The following P3H4 variants were observed in gnomAD, a reference collection of about 807,000 sequenced individuals.
P3H4 encodes the protein endoplasmic reticulum protein SC65.
In P3H4, 47 loss-of-function variants were observed where a neutral mutation model predicts 52.9. That is an observed-to-expected ratio of 0.89 (90% CI 0.70 to 1.13). The LOEUF (loss-of-function observed/expected upper bound fraction) is 1.13, where lower values mean the gene tolerates loss of function less well. Ranked by LOEUF, P3H4 falls within the 50% of genes most tolerant of loss-of-function variation. The pLI, the probability that P3H4 is intolerant of heterozygous loss-of-function variation, is 0.00. For synonymous variants in P3H4, 256 were observed against 267.9 expected, an observed-to-expected ratio of 0.96 and a Z score of 0.44; for missense variants, 585 against 611.0, an observed-to-expected ratio of 0.96 and a Z score of 0.45.
In P3H4 at chr17:41,811,894, GC is replaced by G; in HGVS notation, c.21del (p.Leu8CysfsTer26). 4 of 1,514,986 alleles carry G rather than the reference GC, an allele frequency of 2.6e-6. No homozygotes were observed. Among genetic ancestry groups the G allele is most frequent in the South Asian group, 1.2e-5 (1 of 82,012 alleles). The allele number at this position is 1,514,986 out of a possible 1,614,324, so 93.8% of individuals were successfully genotyped here. A position where few individuals can be genotyped will look rare whatever the true frequency, so the allele number is the denominator to read the frequency against. On this transcript the variant is annotated frameshift_variant, in exon 1 of 8. Transcript: ENST00000393928. LOFTEE classifies it high-confidence loss of function. The surrounding 1 kb of genome is among the most constrained non-coding windows in gnomAD (Gnocchi z 4.8). ...GCGCTGCCCAGCAGCAACCACAGCA[GC>G]CCCCACGCCACCCGAGCCATGCCCG... MARVAWGLLWLLLGSAG... is the reference protein window; with the variant it reads MARVAWXLLWLLLGSAG...
intron 5 of P3H4, 39 bp from the exon 6 acceptor site, chr17:41,806,918 C>A (rs782101923): frequency 9.1e-6 from 14 of 1,541,322 alleles, no homozygotes; most frequent in African/African-American, 1.4e-5. Context: ...GTGAGCCATA[C>A]CCTGTTGCCA....
rs2047739899 is a variant in P3H4 at position 41,811,648 on chromosome 17, C to T, written c.268G>A (p.Asp90Asn). The part of the protein sequence containing the change: ...CSGPAPAAKP[D>N]PDGGRADEWA... Reference sequence around the variant, plus strand: ...TCGTCTGCGCGGCCGCCGTCGGGATCGGGCTTGGCCGCGGGCGCGGGGCCG... The same window carrying T: ...TCGTCTGCGCGGCCGCCGTCGGGATTGGGCTTGGCCGCGGGCGCGGGGCCG... The change falls in exon 1 of 8, where the codon GAT (aspartate) becomes AAT (asparagine). Residue 90 changes from aspartate (D) to asparagine (N), a missense_variant. Physicochemically the swap from Asp to Asn is conservative, Grantham distance 23 (BLOSUM62 1). Coordinates refer to ENST00000393928, the MANE Select transcript of P3H4 (RefSeq NM_006455.3). This position sits in a 1 kb window ranked among gnomAD's most constrained non-coding sequence, Gnocchi z 4.8. 3 of 1,422,792 alleles carry T rather than the reference C, an allele frequency of 2.1e-6. No individual in the cohort carries two copies. In the East Asian group the frequency reaches 8.8e-5, roughly 42 times the overall value. 88.1% of individuals were successfully genotyped at this position (1,422,792 alleles called of 1,614,324 possible).
rs118069055 is a variant in P3H4 at position 41,808,190 on chromosome 17, T to A, written c.917-186A>T. On this transcript the variant is annotated intron_variant, in intron 4 of 7. Transcript: ENST00000393928. ...CACTTACCCTATGCCAGGCCCTGAC[T>A]AACTCATCTAAGCCTCACTGTTATT... Among the ~76,000 whole-genome samples, 12 of 152,304 alleles carry A rather than the reference T, an allele frequency of 7.9e-5. No individual in the cohort carries two copies. The East Asian group carries it at 2.3e-3, about 29-fold the overall frequency.
intron 5 of P3H4, chr17:41,807,106 C>T (rs1181228871): frequency 1.8e-6 from 1 of 547,744 alleles, no homozygotes. Context: ...GCAATGTCTG[C>T]CACTGACAAG....
Position 41,802,607 on chromosome 17 carries a change from G to A in P3H4, c.*350C>T, listed in dbSNP as rs554902751. 2.3e-4 allele frequency: 58 copies of A among 257,126 alleles called. No homozygotes were observed. The highest frequency in any genetic ancestry group is 1.8e-3 in the East Asian group (12 of 6,838). 15.9% of individuals were successfully genotyped at this position (257,126 alleles called of 1,614,324 possible). A position where few individuals can be genotyped will look rare whatever the true frequency, so the allele number is the denominator to read the frequency against. ...CGCTCTGTCGCCCAGGCTGGAGTGC[G>A]GTGGCGCAATCTCAGTTCACTGCAA... On this transcript the variant is annotated 3_prime_UTR_variant, in exon 8 of 8. Transcript: ENST00000393928.
intron 6 of P3H4, among the ~76,000 whole-genome samples, chr17:41,806,521 C>T (rs1178905955): frequency 6.6e-6 from 1 of 152,212 alleles, no homozygotes; most frequent in Non-Finnish European, 1.5e-5. Context: ...TAGCCCAGAA[C>T]AAAGAGCCAG....
rs1356053761 is a variant in P3H4, at chr17:41,806,946, G to T, written c.1063-67C>A. 4 of 1,281,720 alleles carry T rather than the reference G, an allele frequency of 3.1e-6. No individual in the cohort carries two copies. In the South Asian group the frequency reaches 3.7e-5, roughly 12 times the overall value. The allele number at this position is 1,281,720 out of a possible 1,614,324, so 79.4% of individuals were successfully genotyped here. On this transcript the variant is annotated intron_variant, in intron 5 of 7. Coordinates refer to ENST00000393928, the MANE Select transcript of P3H4 (RefSeq NM_006455.3). ...TGTTGCCAGATGGCAAGAAGCCAGG[G>T]CTCCTAGGATCTGGGCCCACTGGCC...
rs1555615129 is a variant in P3H4, at chr17:41,811,444, G to A, written c.462+10C>T. On this transcript the variant is annotated intron_variant, in intron 1 of 7. Transcript: ENST00000393928. The surrounding 1 kb of genome is among the most constrained non-coding windows in gnomAD (Gnocchi z 4.8). Reference sequence around the variant, plus strand: ...CCGAGACAGGTCCCCGGGTGGGGGCGGGCTCCCACCTTGAACAGCGCGTAG... The same window carrying A: ...CCGAGACAGGTCCCCGGGTGGGGGCAGGCTCCCACCTTGAACAGCGCGTAG... 3 of 1,611,336 alleles carry A rather than the reference G, an allele frequency of 1.9e-6. No homozygotes were observed. Among genetic ancestry groups the A allele is most frequent in the Non-Finnish European group, 2.5e-6 (3 of 1,178,976 alleles).
intron 3 of P3H4, 107 bp downstream of exon 3, chr17:41,810,756 G>T: frequency 1.5e-6 from 2 of 1,373,772 alleles, no homozygotes; most frequent in East Asian, 2.5e-5. Context: ...CCTTCCTCCC[G>T]GCTGGCTCCT....
chr17:41,806,687 A>G lies in P3H4; in HGVS notation c.1146+109T>C, dbSNP rs2047677191. 5 of 863,194 alleles carry G rather than the reference A, an allele frequency of 5.8e-6. No individual in the cohort carries two copies. In the South Asian group the frequency reaches 7.5e-5, roughly 13 times the overall value. The allele number at this position is 863,194 out of a possible 1,614,324, so 53.5% of individuals were successfully genotyped here. A position where few individuals can be genotyped will look rare whatever the true frequency, so the allele number is the denominator to read the frequency against. On this transcript the variant is annotated intron_variant, in intron 6 of 7. Coordinates refer to ENST00000393928, the MANE Select transcript of P3H4 (RefSeq NM_006455.3). The stretch of plus-strand genomic sequence containing the variant: ...AACAGGCAAACCTCTCTTCTTCACG[A>G]CAGCTGACCACCAGGGGCTGGGGCT...
In P3H4 at chr17:41,811,413, C is replaced by T. The variant is rs782124277; in HGVS notation, c.462+41G>A. On this transcript the variant is annotated intron_variant, in intron 1 of 7. Coordinates refer to ENST00000393928, the MANE Select transcript of P3H4 (RefSeq NM_006455.3). The surrounding 1 kb of genome is among the most constrained non-coding windows in gnomAD (Gnocchi z 4.8). ...GACCGATCTGTGGGGAGCCACGACG[C>T]CCAGCCCGAGACAGGTCCCCGGGTG... The T allele has an allele frequency of 4.1e-5, 66 of 1,609,642 alleles. No homozygotes were observed. The highest frequency in any genetic ancestry group is 5.2e-5 in the Non-Finnish European group (61 of 1,178,094).
intron 6 of P3H4, among the ~76,000 whole-genome samples, chr17:41,806,504 G>A (rs1188477359): frequency 2.6e-5 from 4 of 152,200 alleles, no homozygotes; most frequent in African/African-American, 9.6e-5. Flanking sequence ...GTCAGAGTGG[G>A]CACTGCTAGC....
chr17:41,806,826 G>A lies in P3H4; in HGVS notation c.1116C>T (p.Phe372=), dbSNP rs2047678937. 6.2e-6 allele frequency: 10 copies of A among 1,613,878 alleles called. No individual in the cohort carries two copies. Among genetic ancestry groups the A allele is most frequent in the Non-Finnish European group, 8.5e-6 (10 of 1,179,916 alleles). ...QTAELRELLE[F]THMYLQSDDE... ...CATCTGACTGCAGGTACATGTGGGT[G>A]AACTCCAGCAGCTCCCGCAGCTCGG... The change falls in exon 6 of 8, where the codon TTC becomes TTT. Residue 372 remains phenylalanine (F), a synonymous_variant. Coordinates refer to ENST00000393928, the MANE Select transcript of P3H4 (RefSeq NM_006455.3).
intron 6 of P3H4, 101 bp downstream of exon 6, chr17:41,806,695 C>T: frequency 1.1e-6 from 1 of 943,788 alleles, no homozygotes; most frequent in Non-Finnish European, 1.7e-6. Context: ...CGACAGCTGA[C>T]CACCAGGGGC....
At chr17:41,810,015 T>C (rs1157446208) in intron 3 of P3H4, among the ~76,000 whole-genome samples, 181 bp from the exon 4 acceptor site, 1 of 151,310 alleles carries the variant, frequency 6.6e-6, no homozygotes, top group Non-Finnish European at 1.5e-5. Flanking sequence ...ATATGACAAG[T>C]GATGGTGAGG....
At position 41,809,737 on chromosome 17, in the gene P3H4, C is replaced by T; in HGVS notation, c.885G>A (p.Met295Ile). The change falls in exon 4 of 8, where the codon ATG becomes ATA. Residue 295 changes from methionine (M) to isoleucine (I), a missense_variant. By Grantham distance (10) the Met-to-Ile change is conservative. Coordinates refer to ENST00000393928, the MANE Select transcript of P3H4 (RefSeq NM_006455.3). ...AGTAGGCAAACTGCAGGTAGTGGTA[C>T]ATGGTGGCCACGAACTTGTCCACGA... is the stretch of plus-strand genomic sequence containing the variant. ...GYFVDKFVAT[M>I]YHYLQFAYYK... The T allele has an allele frequency of 1.2e-6, 2 of 1,613,688 alleles. No individual in the cohort carries two copies. Among genetic ancestry groups the T allele is most frequent in the South Asian group, 2.2e-5 (2 of 91,010 alleles).
At chr17:41,808,264 G>C (rs182548289) in intron 4 of P3H4, among the ~76,000 whole-genome samples, 8 of 152,306 alleles carry the variant, frequency 5.3e-5, no homozygotes, top group African/African-American at 1.9e-4. Flanking sequence ...ACCCTGGCTA[G>C]AGTGCAGTGG....
At chr17:41,808,814 C>G (rs1555614546) in intron 4 of P3H4, among the ~76,000 whole-genome samples, 1 of 152,168 alleles carries the variant, frequency 6.6e-6, no homozygotes, top group African/African-American at 2.4e-5. Context: ...GGCCCTTAGC[C>G]TCTCTGCTAT....
intron 6 of P3H4, among the ~76,000 whole-genome samples, chr17:41,806,263 CA>C: frequency 6.6e-6 from 1 of 151,880 alleles, no homozygotes. Flanking sequence ...CAATGTAATA[CA>C]ATACGGTCCT....
Sources: allele counts gnomAD v4.1 joint callset (sites outside exome capture counted in the v4.1 genomes callset), GRCh38; gene constraint gnomAD v4.1.1; non-coding constraint Gnocchi (gnomAD v3.1); transcripts MANE v1.5; gene names NCBI Gene and HGNC (gene_info 2026-07-23, HGNC 2026-07-21).